Variants in TRIM69 observed in about 807,000 individuals in gnomAD.
The protein encoded by TRIM69 is tripartite motif containing 69, also known as E3 ubiquitin-protein ligase TRIM69.
In TRIM69, 29 loss-of-function variants were observed where a neutral mutation model predicts 37.7. That is an observed-to-expected ratio of 0.77 (90% CI 0.57 to 1.05). The LOEUF (loss-of-function observed/expected upper bound fraction) is 1.05. Among genes scored for constraint, TRIM69 ranks in the 50% least tolerant of loss-of-function variants. The pLI, the probability that TRIM69 is intolerant of heterozygous loss-of-function variation, is 0.00. For synonymous variants in TRIM69, 209 were observed against 212.4 expected, an observed-to-expected ratio of 0.98 and a Z score of 0.14; for missense variants, 596 against 579.9, an observed-to-expected ratio of 1.03 and a Z score of -0.28.
chr15:44,756,853 C>T (rs1052958365), intron 3 of TRIM69: 2 of 160,748 alleles, frequency 1.2e-5, no homozygotes, highest in African/African-American at 4.8e-5. Flanking sequence ...AGTTTATAAC[C>T]AGACACCTCT....
intron 6 of TRIM69, among the ~76,000 whole-genome samples, chr15:44,762,192 A>C (rs897102529): frequency 6.6e-6 from 1 of 151,888 alleles, no homozygotes; most frequent in African/African-American, 2.4e-5. Flanking sequence ...GGTCTCGATC[A>C]CCTGACCTCG....
At chr15:44,758,975 T>G in intron 4 of TRIM69, 121 bp downstream of exon 4, 1 of 1,208,202 alleles carries the variant, frequency 8.3e-7, no homozygotes, top group Non-Finnish European at 1.1e-6. Flanking sequence ...AAAACAAAAC[T>G]GTTATAGTGC....
intron 1 of TRIM69, among the ~76,000 whole-genome samples, chr15:44,746,779 T>C (rs1596019999): frequency 2.0e-5 from 3 of 151,260 alleles, no homozygotes; most frequent in African/African-American, 7.3e-5. Context: ...CACACACACA[T>C]CTTTCTTTAA....
intron 1 of TRIM69, chr15:44,753,351 C>G (rs1901534): frequency 0.78 from 118,479 of 152,108 alleles, 46,810 homozygotes; most frequent in Middle Eastern, 0.85. Flanking sequence ...TTCCTGGGCT[C>G]AAATGATCTG....
Position 44,758,725 on chromosome 15 carries a change from G to C in TRIM69, c.684G>C (p.Glu228Asp), listed in dbSNP as rs1264862913. ...EKDILTELRE[E>D]GKALNEEMEL... ...ACATTTTAACTGAGCTCCGGGAAGA[G>C]GGGAAAGCCTTGAATGAGGAGATGG... is the stretch of plus-strand genomic sequence containing the variant. The change falls in exon 4 of 7, where the codon GAG (glutamate) becomes GAC (aspartate). Residue 228 changes from glutamate (E) to aspartate (D), a missense_variant. Glu to Asp is a conservative substitution (Grantham distance 45). Coordinates refer to ENST00000329464, the MANE Select transcript of TRIM69 (RefSeq NM_182985.5). The C allele has an allele frequency of 6.2e-7, 1 of 1,614,080 alleles. No individual in the cohort carries two copies. Among genetic ancestry groups the C allele is most frequent in the Non-Finnish European group, 8.5e-7 (1 of 1,180,030 alleles).
intron 1 of TRIM69, among the ~76,000 whole-genome samples, chr15:44,745,877 T>G (rs1440934963): frequency 6.6e-6 from 1 of 151,916 alleles, no homozygotes; most frequent in East Asian, 1.9e-4. Flanking sequence ...AAAGAATGAA[T>G]AAAAATGAGC....
At position 44,758,731 on chromosome 15, in the gene TRIM69, A is replaced by T; in HGVS notation, c.690A>T (p.Lys230Asn). 1 of 1,614,174 alleles carries T rather than the reference A, an allele frequency of 6.2e-7. No individual in the cohort carries two copies. Among genetic ancestry groups the T allele is most frequent in the Non-Finnish European group, 8.5e-7 (1 of 1,180,018 alleles). ...DILTELREEG[K>N]ALNEEMELNL... ...TAACTGAGCTCCGGGAAGAGGGGAA[A>T]GCCTTGAATGAGGAGATGGAGTTGA... Residue 230 changes from lysine (K) to asparagine (N), a missense_variant, in exon 4 of 7, where the codon AAA becomes AAT. Transcript: ENST00000329464.
intron 1 of TRIM69, among the ~76,000 whole-genome samples, chr15:44,747,221 C>A (rs2087427162): frequency 6.6e-6 from 1 of 152,110 alleles, no homozygotes; most frequent in African/African-American, 2.4e-5. Context: ...GACAAATATG[C>A]CATATTTTCA....
chr15:44,739,495 C>T (rs978534869), intron 1 of TRIM69, among the ~76,000 whole-genome samples: 10 of 152,194 alleles, frequency 6.6e-5, no homozygotes, highest in African/African-American at 1.2e-4. Flanking sequence ...GGGTGACAGA[C>T]GGCACCTGGA....
At chr15:44,756,009 C>T (rs1233993333) in intron 2 of TRIM69, among the ~76,000 whole-genome samples, 1 of 152,140 alleles carries the variant, frequency 6.6e-6, no homozygotes, top group East Asian at 1.9e-4. Flanking sequence ...CTGTAGCTAG[C>T]TACTAAGAGA....
chr15:44,767,082 A>AAAAAAAAAAAAAAC (rs1566902679), intron 6 of TRIM69, 149 bp from the exon 7 acceptor site: 4 of 391,608 alleles, frequency 1.0e-5, no homozygotes, highest in Non-Finnish European at 1.8e-5. Context: ...AAAAAAAAAA[A>AAAAAAAAAAAAAAC]AAGCATATAA....
intron 1 of TRIM69, among the ~76,000 whole-genome samples, chr15:44,747,644 A>G (rs2087436962): frequency 6.6e-6 from 1 of 152,184 alleles, no homozygotes; most frequent in Admixed American, 6.5e-5. Context: ...CAAAGAGAAG[A>G]TGGCCGTATT....
At chr15:44,753,076 T>C (rs2087568926) in intron 1 of TRIM69, 1 of 152,208 alleles carries the variant, frequency 6.6e-6, no homozygotes, top group Non-Finnish European at 1.5e-5. Context: ...ACTTTACCTA[T>C]GTAGCTACTT....
intron 1 of TRIM69, among the ~76,000 whole-genome samples, chr15:44,746,750 G>GCA (rs10561330): frequency 0.018 from 2,745 of 150,372 alleles, 42 homozygotes; most frequent in African/African-American, 0.037. Flanking sequence ...ACGTGCACGT[G>GCA]CACACACACA....
intron 1 of TRIM69, among the ~76,000 whole-genome samples, chr15:44,742,372 G>A (rs1168231569): frequency 1.1e-4 from 16 of 142,840 alleles, no homozygotes; most frequent in Admixed American, 2.9e-4. Flanking sequence ...TACTGAATGG[G>A]CAAAAACTGG....
At chr15:44,745,591 G>T (rs996491752) in intron 1 of TRIM69, among the ~76,000 whole-genome samples, 4 of 152,208 alleles carry the variant, frequency 2.6e-5, no homozygotes, top group Middle Eastern at 3.4e-3. Context: ...ACTAGACAAA[G>T]ATTTTATATC....
chr15:44,760,807 A>T (rs1414756644), intron 6 of TRIM69, among the ~76,000 whole-genome samples: 1 of 152,088 alleles, frequency 6.6e-6, no homozygotes, highest in Non-Finnish European at 1.5e-5. Context: ...TCAGCCTCTA[A>T]CATTCACTGA....
chr15:44,745,452 G>A (rs759621664), intron 1 of TRIM69, among the ~76,000 whole-genome samples: 6 of 152,122 alleles, frequency 3.9e-5, no homozygotes, highest in Admixed American at 1.3e-4. Context: ...GATTTCCAGA[G>A]ATTTCACATT....
At chr15:44,738,050 C>CTTTTTTTTTTTTTTTTTTT (rs772041054) in intron 1 of TRIM69, among the ~76,000 whole-genome samples, 8 of 118,018 alleles carry the variant, frequency 6.8e-5, no homozygotes, top group African/African-American at 2.7e-4. Context: ...TACTTTCTTT[C>CTTTTTTTTTTTTTTTTTTT]TTTCTTTTTT....
Sources: gnomAD v4.1 joint callset for allele counts (sites outside exome capture counted in the v4.1 genomes callset) on GRCh38, gnomAD v4.1.1 for gene constraint, MANE v1.5 for transcripts, NCBI Gene and HGNC (gene_info 2026-07-23, HGNC 2026-07-21) for gene names.